EYA1: variants seen among roughly 807,000 people sequenced by gnomAD.
EYA1 encodes the protein protein phosphatase EYA1.
In EYA1, 16 loss-of-function variants were observed where a neutral mutation model predicts 82.0. The observed-to-expected ratio is 0.20, with a 90% CI of 0.13 to 0.30. EYA1 has a LOEUF of 0.30. EYA1 is among the 10% of genes least tolerant of loss of function. EYA1 has a pLI of 1.00. For synonymous variants in EYA1, 261 were observed against 264.4 expected, an observed-to-expected ratio of 0.99 and a Z score of 0.12; for missense variants, 633 against 730.7, an observed-to-expected ratio of 0.87 and a Z score of 1.54.
chr8:71,295,575 G>A (rs1249335200), intron 9 of EYA1, among the ~76,000 whole-genome samples: 2 of 152,126 alleles, frequency 1.3e-5, no homozygotes, highest in African/African-American at 4.8e-5. Context: ...CCAAATTCTG[G>A]CAAGAATATG....
intron 4 of EYA1, among the ~76,000 whole-genome samples, chr8:71,322,997 G>A (rs947361560): frequency 2.6e-5 from 4 of 151,958 alleles, no homozygotes; most frequent in South Asian, 2.1e-4. Context: ...TCTTAATCAC[G>A]TTTACTTGAT....
At chr8:71,499,177 TC>T (rs2129235102) in intron 2 of EYA1, among the ~76,000 whole-genome samples, 1 of 152,268 alleles carries the variant, frequency 6.6e-6, no homozygotes, top group South Asian at 2.1e-4. Flanking sequence ...AAACTCAGCT[TC>T]CAGAGGAAAG....
chr8:71,398,460 G>A lies in EYA1; in HGVS notation c.34-41949C>T, dbSNP rs146627713. On this transcript the variant is annotated intron_variant, in intron 2 of 18. Coordinates refer to the EYA1 transcript ENST00000643681. The stretch of plus-strand genomic sequence containing the variant: ...ACCTTTGGTCTTTGATGTTGGTGAC[G>A]TACAGATGGGGTTTTGGTGTGGATG... Among the ~76,000 whole-genome samples, 77 of 152,236 alleles carry A rather than the reference G, an allele frequency of 5.1e-4. 2 individuals are homozygous for A. In the East Asian group the frequency reaches 0.015, roughly 29 times the overall value.
intron 2 of EYA1, among the ~76,000 whole-genome samples, chr8:71,374,714 T>C (rs1166287528): frequency 6.6e-6 from 1 of 152,212 alleles, no homozygotes; most frequent in Non-Finnish European, 1.5e-5. Flanking sequence ...CCCATGTTCA[T>C]TGCAGCTTTA....
intron 4 of EYA1, among the ~76,000 whole-genome samples, chr8:71,332,053 G>A (rs13273308): frequency 0.92 from 139,396 of 152,112 alleles, 63,997 homozygotes; most frequent in East Asian, 0.99. Context: ...AGGTCTCCCT[G>A]TGTTGTCCAG....
At chr8:71,399,244 G>A (rs111661602) in intron 2 of EYA1, among the ~76,000 whole-genome samples, 18,155 of 151,950 alleles carry the variant, frequency 0.12, 1,140 homozygotes, top group South Asian at 0.16. Flanking sequence ...TGTGCTTCCC[G>A]GGTGAAGCGA....
At chr8:71,525,939 G>A (rs1284061684) in intron 2 of EYA1, among the ~76,000 whole-genome samples, 1 of 152,234 alleles carries the variant, frequency 6.6e-6, no homozygotes, top group African/African-American at 2.4e-5. Flanking sequence ...AAAGGACTGA[G>A]TGACAGAGGG....
chr8:71,371,279 G>T (rs1828065957), intron 2 of EYA1, among the ~76,000 whole-genome samples: 1 of 152,154 alleles, frequency 6.6e-6, no homozygotes, highest in Non-Finnish European at 1.5e-5. Context: ...ATAACAGGCA[G>T]ATTATAAAAC....
intron 11 of EYA1, among the ~76,000 whole-genome samples, chr8:71,266,648 C>T (rs1815852195): frequency 6.6e-6 from 1 of 152,066 alleles, no homozygotes; most frequent in East Asian, 1.9e-4. Flanking sequence ...AGCTAAGAGA[C>T]TCCAAGGAGC....
chr8:71,497,848 T>A (rs1012538533), intron 2 of EYA1, among the ~76,000 whole-genome samples: 1 of 152,182 alleles, frequency 6.6e-6, no homozygotes, highest in African/African-American at 2.4e-5. Context: ...TTTTTAAAAT[T>A]GTGGTATATA....
rs779623204 is a variant in EYA1, at chr8:71,216,788, T to C, written c.1264A>G (p.Thr422Ala). The change falls in exon 14 of 18, where the codon ACT (threonine) becomes GCT (alanine). Residue 422 changes from threonine (T) to alanine (A), a missense_variant. Coordinates refer to ENST00000340726, the MANE Select transcript of EYA1 (RefSeq NM_000503.6). ...CAGTCCACACCGCCCCGTACACCAG[T>C]TGCCAAACATAAGTTAGCACTGGTT... is the stretch of plus-strand genomic sequence containing the variant. The part of the protein sequence containing the change: ...AATSANLCLA[T>A]GVRGGVDWMR... 1.2e-6 allele frequency: 2 copies of C among 1,614,174 alleles called. No individual in the cohort carries two copies. Among genetic ancestry groups the C allele is most frequent in the East Asian group, 2.2e-5 (1 of 44,884 alleles).
chr8:71,510,464 C>A (rs779143321), intron 2 of EYA1, among the ~76,000 whole-genome samples: 1 of 152,186 alleles, frequency 6.6e-6, no homozygotes, highest in Non-Finnish European at 1.5e-5. Flanking sequence ...GCTTAATTGA[C>A]TCACAGTTCT....
Position 71,299,738 on chromosome 8 carries a change from G to T in EYA1, c.557-18C>A, listed in dbSNP as rs531976964. The T allele has an allele frequency of 1.2e-5, 15 of 1,263,974 alleles. No individual in the cohort carries two copies. In the South Asian group the frequency reaches 1.3e-4, roughly 11 times the overall value. The allele number at this position is 1,263,974 out of a possible 1,614,324, so 78.3% of individuals were successfully genotyped here. ...ACTGCTACCTAAAACAAAATGAAAA[G>T]AAATACGATTATACCAGGCTTGTGG... On this transcript the variant is annotated intron_variant, in intron 7 of 17. Coordinates refer to ENST00000340726, the MANE Select transcript of EYA1 (RefSeq NM_000503.6).
At chr8:71,406,144 A>T (rs1249848373) in intron 2 of EYA1, among the ~76,000 whole-genome samples, 1 of 152,250 alleles carries the variant, frequency 6.6e-6, no homozygotes, top group Non-Finnish European at 1.5e-5. Flanking sequence ...AAGCTGTAAA[A>T]CAACAGCAAC....
rs370509332 is a variant in EYA1, at chr8:71,334,125, G to A, written c.174C>T (p.Asp58=). 8.1e-5 allele frequency: 130 copies of A among 1,613,466 alleles called. No individual in the cohort carries two copies. The highest frequency in any genetic ancestry group is 2.9e-4 in the African/African-American group (22 of 74,998). ...AACCTGAGAAATTGTTTAAAGACCC[G>A]TCGGCTGTCGTTGAAGCTGTTTCAC... ...SSSETASTTA[D]GSLNNFSGSA... is the part of the protein sequence containing the mutation. The change falls in exon 4 of 18, where the codon GAC becomes GAT. Residue 58 remains aspartate, a synonymous_variant. Coordinates refer to ENST00000340726, the MANE Select transcript of EYA1 (RefSeq NM_000503.6).
At chr8:71,242,545 GA>G (rs1289115485) in intron 12 of EYA1, among the ~76,000 whole-genome samples, 1 of 151,872 alleles carries the variant, frequency 6.6e-6, no homozygotes, top group Non-Finnish European at 1.5e-5. Flanking sequence ...TGGGTTTACA[GA>G]AAAAAATACA....
intron 2 of EYA1, among the ~76,000 whole-genome samples, chr8:71,425,432 A>G (rs917347627): frequency 1.2e-4 from 18 of 152,244 alleles, no homozygotes; most frequent in Admixed American, 3.9e-4. Flanking sequence ...TCCAAAAATG[A>G]TGTTCCCCTT....
intron 12 of EYA1, chr8:71,225,424 T>C (rs924624797): frequency 5.3e-6 from 2 of 377,166 alleles, no homozygotes; most frequent in African/African-American, 4.2e-5. Context: ...CTTCACACCA[T>C]GATGCTTCCT....
intron 2 of EYA1, 59 bp downstream of exon 2, chr8:71,356,403 T>A: frequency 7.1e-7 from 1 of 1,417,412 alleles, no homozygotes; most frequent in Non-Finnish European, 9.7e-7. Context: ...TAGACAAAAA[T>A]AGATATGGGT....
Sources: allele counts gnomAD v4.1 joint callset (sites outside exome capture counted in the v4.1 genomes callset), GRCh38; gene constraint gnomAD v4.1.1; transcripts MANE v1.5; gene names NCBI Gene and HGNC (gene_info 2026-07-23, HGNC 2026-07-21).